The following CDH19 variants were observed in gnomAD, a reference collection of about 807,000 sequenced individuals.
CDH19 encodes cadherin 19.
A neutral mutation model predicts 64.2 loss-of-function variants in CDH19; 67 were observed. The ratio of observed to expected loss-of-function variants is 1.04; its 90% confidence interval spans 0.86 to 1.28. The LOEUF (loss-of-function observed/expected upper bound fraction) is 1.28, where lower values mean the gene tolerates loss of function less well. CDH19 is among the 50% of genes most tolerant of loss of function. The pLI is 0.00. For missense variants in CDH19, 1,030 were observed against 929.0 expected (o/e 1.11, Z -1.41); for synonymous variants, 346 against 319.3 (o/e 1.08, Z -0.89).
intron 3 of CDH19, among the ~76,000 whole-genome samples, chr18:66,563,695 C>T (rs990815056): frequency 6.6e-6 from 1 of 151,926 alleles, no homozygotes; most frequent in African/African-American, 2.4e-5. Context: ...CCCATTCTTG[C>T]TGCATTTATA....
intron 1 of CDH19, among the ~76,000 whole-genome samples, chr18:66,585,055 C>A (rs1379285374): frequency 6.6e-6 from 1 of 151,982 alleles, no homozygotes; most frequent in Non-Finnish European, 1.5e-5. Flanking sequence ...CACAGTTGAA[C>A]AAACGACCAA....
chr18:66,572,046 T>C lies in CDH19; in HGVS notation c.159A>G (p.Pro53=). ...GATGACTAGTCGTATTCATTTCCTCTGGTACAAAAAATTGGTTCCACACCC... is the reference window on the plus strand; with the variant it reads ...GATGACTAGTCGTATTCATTTCCTCCGGTACAAAAAATTGGTTCCACACCC... The part of the protein sequence containing the change: ...RGWVWNQFFV[P]EEMNTTSHHI... The change falls in exon 2 of 12, where the codon CCA becomes CCG. Residue 53 remains proline, a synonymous_variant. Transcript: ENST00000262150. 1 of 1,611,156 alleles carries C rather than the reference T, an allele frequency of 6.2e-7. No homozygotes were observed. Among genetic ancestry groups the C allele is most frequent in the Non-Finnish European group, 8.5e-7 (1 of 1,178,144 alleles).
chr18:66,571,906 G>T, intron 2 of CDH19, 104 bp downstream of exon 2: 1 of 756,512 alleles, frequency 1.3e-6, no homozygotes, highest in Non-Finnish European at 2.1e-6. Flanking sequence ...GCTTTTCAAT[G>T]GCTTCACTGT....
chr18:66,522,879 A>T (rs1986056443), intron 9 of CDH19, among the ~76,000 whole-genome samples: 1 of 151,786 alleles, frequency 6.6e-6, no homozygotes, highest in Admixed American at 6.6e-5. Context: ...ATTTGATAGA[A>T]ATAATGTTTA....
chr18:66,530,045 G>A (rs1375249892), intron 8 of CDH19, 79 bp from the exon 9 acceptor site: 5 of 635,030 alleles, frequency 7.9e-6, no homozygotes, highest in Non-Finnish European at 1.2e-5. Flanking sequence ...AATTACATTA[G>A]AGGCTACGTG....
intron 1 of CDH19, among the ~76,000 whole-genome samples, chr18:66,594,581 C>T (rs1190859661): frequency 6.6e-6 from 1 of 151,650 alleles, no homozygotes; most frequent in African/African-American, 2.4e-5. Context: ...GAACACAGTG[C>T]AATAACAATA....
chr18:66,600,609 T>A (rs1189532528), intron 1 of CDH19, among the ~76,000 whole-genome samples: 2 of 151,944 alleles, frequency 1.3e-5, no homozygotes, highest in Non-Finnish European at 2.9e-5. Context: ...TAAGTGGTTT[T>A]ATTAAATCCA....
intron 1 of CDH19, among the ~76,000 whole-genome samples, chr18:66,599,462 T>C (rs1988987494): frequency 6.6e-6 from 1 of 152,064 alleles, no homozygotes; most frequent in African/African-American, 2.4e-5. Context: ...ATGTTTCACG[T>C]TTCAGAAGGG....
Position 66,544,277 on chromosome 18 carries a change from C to T in CDH19, c.961-53G>A, listed in dbSNP as rs547183500. The T allele has an allele frequency of 5.9e-6, 9 of 1,533,324 alleles. No homozygotes were observed. The South Asian group carries it at 1.1e-4, about 19-fold the overall frequency. 95.0% of individuals were successfully genotyped at this position (1,533,324 alleles called of 1,614,324 possible). A position where few individuals can be genotyped will look rare whatever the true frequency, so the allele number is the denominator to read the frequency against. On this transcript the variant is annotated intron_variant, in intron 6 of 11. Transcript: ENST00000262150. ...GAAATGGCTTTAGTAACCCAAGATA[C>T]TATTTAGAAAAAAGGTTTTACCTGT...
chr18:66,583,776 G>A (rs978288932), intron 1 of CDH19, among the ~76,000 whole-genome samples: 1 of 152,012 alleles, frequency 6.6e-6, no homozygotes, highest in African/African-American at 2.4e-5. Context: ...TCCATAAATG[G>A]TGTTGGGTAA....
At chr18:66,508,235 A>G (rs1159394790) in intron 11 of CDH19, among the ~76,000 whole-genome samples, 1 of 151,990 alleles carries the variant, frequency 6.6e-6, no homozygotes, top group Non-Finnish European at 1.5e-5. Flanking sequence ...TGGTAGTAGC[A>G]GGATAGCAGG....
chr18:66,547,321 CGT>C (rs909959475), intron 5 of CDH19, among the ~76,000 whole-genome samples: 26 of 151,460 alleles, frequency 1.7e-4, no homozygotes, highest in African/African-American at 5.1e-4. Flanking sequence ...AGAGGGTATG[CGT>C]GTGTGTGTAT....
chr18:66,511,466 T>C, intron 10 of CDH19, 102 bp downstream of exon 10: 2 of 587,826 alleles, frequency 3.4e-6, no homozygotes, highest in Non-Finnish European at 3.0e-6. Context: ...CAAACATTAT[T>C]ATGTTGCAAG....
chr18:66,568,667 T>C lies in CDH19; in HGVS notation c.239A>G (p.Lys80Arg). ...ACTTCCAGCTCCAGCTCCCAAAAGC[T>C]TGTACTGGAAAGAATTGTTTCCATT... ...LDNGNNSFQYKLLGAGAGSTF... is the reference protein window; with the variant it reads ...LDNGNNSFQYRLLGAGAGSTF... The change falls in exon 3 of 12, where the codon AAG (lysine) becomes AGG (arginine). Residue 80 changes from lysine (K) to arginine (R), a missense_variant. Lys to Arg is a conservative substitution (Grantham distance 26). Coordinates refer to ENST00000262150, the MANE Select transcript of CDH19 (RefSeq NM_021153.4). The C allele has an allele frequency of 1.9e-6, 3 of 1,610,716 alleles. No homozygotes were observed. Among genetic ancestry groups the C allele is most frequent in the Non-Finnish European group, 2.5e-6 (3 of 1,178,504 alleles).
chr18:66,513,806 G>T (rs1025484894), intron 9 of CDH19, among the ~76,000 whole-genome samples: 3 of 151,490 alleles, frequency 2.0e-5, no homozygotes, highest in Admixed American at 1.3e-4. Flanking sequence ...TGGGAAAAGA[G>T]AAAATGAAAA....
intron 7 of CDH19, among the ~76,000 whole-genome samples, chr18:66,541,209 A>C (rs1986873559): frequency 6.6e-6 from 1 of 152,126 alleles, no homozygotes; most frequent in South Asian, 2.1e-4. Context: ...GCTTTACAGA[A>C]ACAGCAGGTG....
chr18:66,544,311 G>T (rs1430278400), intron 6 of CDH19, 87 bp from the exon 7 acceptor site: 2 of 1,254,178 alleles, frequency 1.6e-6, no homozygotes, highest in East Asian at 2.4e-5. Context: ...GTTAAATTAA[G>T]TCTCAGTGGC....
At chr18:66,514,832 A>G (rs1985663721) in intron 9 of CDH19, among the ~76,000 whole-genome samples, 1 of 151,604 alleles carries the variant, frequency 6.6e-6, no homozygotes, top group African/African-American at 2.4e-5. Context: ...CATTCTTCAA[A>G]CCAAAGAGAT....
At chr18:66,513,693 C>T (rs1985601321) in intron 9 of CDH19, among the ~76,000 whole-genome samples, 1 of 151,280 alleles carries the variant, frequency 6.6e-6, no homozygotes. Flanking sequence ...TTACTTATAT[C>T]TCTTTATCTG....
Sources: allele counts gnomAD v4.1 joint callset (sites outside exome capture counted in the v4.1 genomes callset), GRCh38; gene constraint gnomAD v4.1.1; transcripts MANE v1.5; gene names NCBI Gene and HGNC (gene_info 2026-07-23, HGNC 2026-07-21).